Variants in PJA2 observed in about 807,000 individuals in gnomAD.
PJA2 encodes the protein praja ring finger ubiquitin ligase 2, also known as E3 ubiquitin-protein ligase Praja-2.
A neutral mutation model predicts 69.3 loss-of-function variants in PJA2; 25 were observed. The ratio of observed to expected loss-of-function variants is 0.36; its 90% CI spans 0.26 to 0.50. The LOEUF (loss-of-function observed/expected upper bound fraction) is 0.50, where lower values mean the gene tolerates loss of function less well. PJA2 is among the 20% of genes least tolerant of loss of function. The probability of loss-of-function intolerance (pLI) is 0.96; values close to 1 mark genes in which losing one functional copy is unlikely to be tolerated. For synonymous variants in PJA2, 308 were observed against 277.8 expected, an observed-to-expected ratio of 1.11 and a Z score of -1.08; for missense variants, 809 against 830.2, an observed-to-expected ratio of 0.97 and a Z score of 0.31.
Position 109,378,280 on chromosome 5 carries a change from C to G in PJA2, c.1207G>C (p.Gly403Arg). The stretch of plus-strand genomic sequence containing the variant: ...AAGGTGTTATCCACCTCTTGCCTTC[C>G]TGCTGTGGCTCCACTTTCTGATGTC... ...QMTSESGATA[G>R]RQEVDNTFWN... The change falls in exon 4 of 10, where the codon GGA becomes CGA. Residue 403 changes from glycine to arginine, a missense_variant. Physicochemically the swap from Gly to Arg is moderately radical, Grantham distance 125 (BLOSUM62 -2). This residue lies in a region of PJA2 where 700 missense variants were observed against 639.5 expected (regional missense o/e 1.09). Coordinates refer to ENST00000361189, the MANE Select transcript of PJA2 (RefSeq NM_014819.5). 1 of 1,614,070 alleles carries G rather than the reference C, an allele frequency of 6.2e-7. No homozygotes were observed.
At chr5:109,342,962 G>A (rs374410807) in intron 9 of PJA2, among the ~76,000 whole-genome samples, 29 of 77,556 alleles carry the variant, frequency 3.7e-4, no homozygotes, top group Admixed American at 4.7e-4. Flanking sequence ...CCTACTGGGA[G>A]GTGAGGAGCC....
chr5:109,391,485 C>T lies in PJA2; in HGVS notation c.-87-7965G>A, dbSNP rs191102800. Among the ~76,000 whole-genome samples the T allele has an allele frequency of 7.0e-3, 1,057 of 150,036 alleles. 12 individuals carry two copies. The highest frequency in any genetic ancestry group is 0.025 in the African/African-American group (997 of 40,688). ...TGAGAATAGTATTCTACATTAGACA[C>T]CTTTTTTTTTTCTTTTTTGGAGCAC... On this transcript the variant is annotated intron_variant, in intron 1 of 9. Transcript: ENST00000361189.
chr5:109,353,810 A>G (rs1582591848), intron 7 of PJA2, among the ~76,000 whole-genome samples: 1 of 131,530 alleles, frequency 7.6e-6, no homozygotes, highest in African/African-American at 2.7e-5. Context: ...AGATATCTAT[A>G]GATTAGATGT....
At chr5:109,406,202 G>A (rs918239479) in intron 1 of PJA2, among the ~76,000 whole-genome samples, 3 of 152,008 alleles carry the variant, frequency 2.0e-5, no homozygotes, top group East Asian at 1.9e-4. Context: ...CACCACGCCC[G>A]GCTAATTTTT....
chr5:109,341,095 C>T, intron 9 of PJA2, among the ~76,000 whole-genome samples: 1 of 129,408 alleles, frequency 7.7e-6, no homozygotes, highest in African/African-American at 2.7e-5. Flanking sequence ...CTCTGCCTGG[C>T]CACCCATCGT....
At chr5:109,338,331 A>ACGTTTAC (rs1417311566) in intron 9 of PJA2, among the ~76,000 whole-genome samples, 10 of 152,062 alleles carry the variant, frequency 6.6e-5, no homozygotes, top group Non-Finnish European at 1.5e-5. Flanking sequence ...AACATATATT[A>ACGTTTAC]CGTTTACCGT....
At position 109,378,627 on chromosome 5, in the gene PJA2, G is replaced by A; in HGVS notation, c.860C>T (p.Ala287Val). Residue 287 changes from alanine to valine, a missense_variant, in exon 4 of 10, where the codon GCC (alanine) becomes GTC (valine). Coordinates refer to ENST00000361189, the MANE Select transcript of PJA2 (RefSeq NM_014819.5). ...RQTEHSPEDA[A>V]CGPGHICSEQ... ...ACTACAAATATGCCCTGGACCACAG[G>A]CTGCATCTTCAGGTGAATGTTCTGT... is the stretch of plus-strand genomic sequence containing the variant. 1 of 1,614,056 alleles carries A rather than the reference G, an allele frequency of 6.2e-7. No individual in the cohort carries two copies. Among genetic ancestry groups the A allele is most frequent in the East Asian group, 2.2e-5 (1 of 44,872 alleles).
chr5:109,358,567 C>T (rs1043459821), intron 6 of PJA2, among the ~76,000 whole-genome samples: 1 of 152,138 alleles, frequency 6.6e-6, no homozygotes, highest in Non-Finnish European at 1.5e-5. Context: ...TCAGCAAATC[C>T]CAGCACTTTG....
At position 109,343,822 on chromosome 5, in the gene PJA2, G is replaced by A. The variant is rs188312246; in HGVS notation, c.2001+368C>T. Among the ~76,000 whole-genome samples, 11 of 152,292 alleles carry A rather than the reference G, an allele frequency of 7.2e-5. No homozygotes were observed. In the South Asian group the frequency reaches 1.2e-3, roughly 17 times the overall value. On this transcript the variant is annotated intron_variant, in intron 9 of 9. Coordinates refer to ENST00000361189, the MANE Select transcript of PJA2 (RefSeq NM_014819.5). The stretch of plus-strand genomic sequence containing the variant: ...TAAAAGATACTACTATTGGCTGGGC[G>A]TGGTGGCTCATGCCTGAAATCCCAG...
intron 7 of PJA2, among the ~76,000 whole-genome samples, chr5:109,347,114 T>C (rs971353986): frequency 6.6e-6 from 1 of 152,194 alleles, no homozygotes; most frequent in Non-Finnish European, 1.5e-5. Context: ...AAAGAGTTAA[T>C]AAACATAGTT....
chr5:109,368,747 C>A lies in PJA2; in HGVS notation c.1284-1G>T. On this transcript the variant is annotated splice_acceptor_variant, in intron 4 of 9. Coordinates refer to ENST00000361189, the MANE Select transcript of PJA2 (RefSeq NM_014819.5). LOFTEE classifies it high-confidence loss of function. ...CCATTCCCCATCACTGCATTCAGAA[C>A]TGCAAATCAGAAGAGAAATAAACTA... 1 of 1,609,184 alleles carries A rather than the reference C, an allele frequency of 6.2e-7. No homozygotes were observed. Among genetic ancestry groups the A allele is most frequent in the Non-Finnish European group, 8.5e-7 (1 of 1,178,320 alleles).
At chr5:109,397,048 T>A (rs1023841635) in intron 1 of PJA2, among the ~76,000 whole-genome samples, 3 of 152,192 alleles carry the variant, frequency 2.0e-5, no homozygotes, top group African/African-American at 7.2e-5. Flanking sequence ...TCTGCCCTCA[T>A]GAATGGACTA....
At chr5:109,406,004 T>C (rs1403045037) in intron 1 of PJA2, among the ~76,000 whole-genome samples, 1 of 151,650 alleles carries the variant, frequency 6.6e-6, no homozygotes, top group Non-Finnish European at 1.5e-5. Context: ...ATAAAGAATG[T>C]ATTAAAAAAT....
intron 5 of PJA2, among the ~76,000 whole-genome samples, chr5:109,364,941 C>G (rs936900762): frequency 2.6e-5 from 4 of 152,090 alleles, no homozygotes; most frequent in African/African-American, 9.7e-5. Context: ...AAATATGTTT[C>G]AACTATTAGC....
intron 1 of PJA2, among the ~76,000 whole-genome samples, chr5:109,394,361 C>T (rs368789562): frequency 1.3e-5 from 2 of 151,924 alleles, no homozygotes; most frequent in East Asian, 1.9e-4. Context: ...TGCTAGTTCT[C>T]GACTTGGCTG....
At chr5:109,354,104 C>A (rs1762346278) in intron 7 of PJA2, among the ~76,000 whole-genome samples, 2 of 105,448 alleles carry the variant, frequency 1.9e-5, no homozygotes, top group African/African-American at 3.8e-5. Context: ...CTAGAGATAT[C>A]TATAGATTAG....
At chr5:109,365,596 AC>A (rs1762573156) in intron 5 of PJA2, among the ~76,000 whole-genome samples, 3 of 150,840 alleles carry the variant, frequency 2.0e-5, no homozygotes, top group Non-Finnish European at 4.4e-5. Context: ...TTTTTTTAAA[AC>A]AACTGTAATT....
chr5:109,360,174 A>C (rs1190698271), intron 6 of PJA2, among the ~76,000 whole-genome samples: 1 of 152,208 alleles, frequency 6.6e-6, no homozygotes, highest in Non-Finnish European at 1.5e-5. Context: ...AACTTCTCAC[A>C]ATCTTATTAG....
intron 1 of PJA2, among the ~76,000 whole-genome samples, chr5:109,398,180 T>G (rs368863467): frequency 6.6e-6 from 1 of 151,906 alleles, no homozygotes; most frequent in Non-Finnish European, 1.5e-5. Flanking sequence ...TGTGGAGAAA[T>G]AGGAACACTA....
Sources: gnomAD v4.1 joint callset for allele counts (sites outside exome capture counted in the v4.1 genomes callset) on GRCh38, gnomAD v4.1.1 for gene constraint, gnomAD v4.1.1 regional missense constraint, MANE v1.5 for transcripts, NCBI Gene and HGNC (gene_info 2026-07-23, HGNC 2026-07-21) for gene names.